The following NPSR1 variants were observed in gnomAD, a reference collection of about 807,000 sequenced individuals.
The protein encoded by NPSR1 is neuropeptide S receptor.
In NPSR1, 48 loss-of-function variants were observed where a neutral mutation model predicts 46.9. That is an observed-to-expected ratio of 1.02 (90% CI 0.81 to 1.30). The LOEUF is 1.30. NPSR1 is among the 50% of genes most tolerant of loss of function. The pLI is 0.00. For synonymous variants in NPSR1, 176 were observed against 168.1 expected, an observed-to-expected ratio of 1.05 and a Z score of -0.36; for missense variants, 450 against 449.5, an observed-to-expected ratio of 1.00 and a Z score of -0.01.
chr7:34,833,071 G>A (rs1438344918), intron 5 of NPSR1, among the ~76,000 whole-genome samples: 1 of 152,174 alleles, frequency 6.6e-6, no homozygotes, highest in African/African-American at 2.4e-5. Context: ...ATGGGAAAAG[G>A]CAGTAAGAAG....
chr7:34,844,858 G>A, intron 6 of NPSR1, 38 bp from the exon 7 acceptor site: 1 of 1,257,382 alleles, frequency 8.0e-7, no homozygotes. Context: ...GTCACATCTT[G>A]AACACTTCAT....
chr7:34,696,701 TAAA>T (rs1344867786), intron 2 of NPSR1, among the ~76,000 whole-genome samples: 1 of 150,978 alleles, frequency 6.6e-6, no homozygotes, highest in Non-Finnish European at 1.5e-5. Flanking sequence ...AAAAAGAAAA[TAAA>T]AAGCATATGG....
At chr7:34,799,069 G>A (rs1040790552) in intron 3 of NPSR1, among the ~76,000 whole-genome samples, 2 of 151,956 alleles carry the variant, frequency 1.3e-5, no homozygotes, top group Admixed American at 6.6e-5. Flanking sequence ...AGAAATGTAG[G>A]CCTAAAGAAA....
intron 6 of NPSR1, among the ~76,000 whole-genome samples, chr7:34,840,183 A>G (rs1039309648): frequency 5.9e-5 from 9 of 152,284 alleles, no homozygotes; most frequent in Admixed American, 2.6e-4. Context: ...GAAGGTTCAG[A>G]GATATGCAGC....
intron 1 of NPSR1, among the ~76,000 whole-genome samples, chr7:34,665,192 C>T (rs771210648): frequency 6.6e-6 from 1 of 152,162 alleles, no homozygotes; most frequent in Non-Finnish European, 1.5e-5. Flanking sequence ...CAGTAAAAAA[C>T]AAACCCTAAA....
At chr7:34,661,228 C>T (rs1791436271) in intron 1 of NPSR1, among the ~76,000 whole-genome samples, 1 of 152,178 alleles carries the variant, frequency 6.6e-6, no homozygotes, top group Admixed American at 6.5e-5. Flanking sequence ...TCTCTATACT[C>T]ACCCAGGTCC....
chr7:34,722,660 G>A (rs547435719), intron 2 of NPSR1, among the ~76,000 whole-genome samples: 1 of 152,266 alleles, frequency 6.6e-6, no homozygotes, highest in South Asian at 2.1e-4. Context: ...AGGTGATGGT[G>A]GTCTAAATCC....
At chr7:34,786,417 G>C (rs1356506006) in intron 3 of NPSR1, among the ~76,000 whole-genome samples, 2 of 152,074 alleles carry the variant, frequency 1.3e-5, no homozygotes, top group African/African-American at 2.4e-5. Context: ...CCTTTCTCCA[G>C]TGAAATCTTG....
intron 4 of NPSR1, among the ~76,000 whole-genome samples, chr7:34,826,210 C>T (rs894231632): frequency 6.6e-6 from 1 of 152,100 alleles, no homozygotes; most frequent in African/African-American, 2.4e-5. Context: ...ATAATTCTAC[C>T]CCAAGACTCC....
At chr7:34,850,531 G>A (rs549376145), downstream of NPSR1, among the ~76,000 whole-genome samples, 15 of 151,802 alleles carry the variant, frequency 9.9e-5, no homozygotes, top group East Asian at 2.9e-3. Context: ...CTCCCGAGTA[G>A]CTGCGACCAC....
chr7:34,672,813 G>A (rs938739627), intron 1 of NPSR1, among the ~76,000 whole-genome samples: 4 of 152,270 alleles, frequency 2.6e-5, no homozygotes, highest in Admixed American at 6.5e-5. Flanking sequence ...GAGGAAGATC[G>A]CAGATGGACA....
chr7:34,745,793 T>G (rs924254761), intron 2 of NPSR1, among the ~76,000 whole-genome samples: 19 of 152,330 alleles, frequency 1.2e-4, no homozygotes, highest in African/African-American at 4.3e-4. Flanking sequence ...GGATTACAGG[T>G]GTGAGCCACC....
chr7:34,853,712 G>A (rs567433964), downstream of NPSR1, among the ~76,000 whole-genome samples: 1 of 152,148 alleles, frequency 6.6e-6, no homozygotes, highest in Non-Finnish European at 1.5e-5. Flanking sequence ...TGTAATCCCA[G>A]CACTTTGGGA....
At chr7:34,701,439 C>T (rs1793825302) in intron 2 of NPSR1, among the ~76,000 whole-genome samples, 1 of 152,174 alleles carries the variant, frequency 6.6e-6, no homozygotes, top group African/African-American at 2.4e-5. Flanking sequence ...ATTTACTCCA[C>T]CCTAAGTGAC....
At chr7:34,790,992 AT>A (rs1447435165) in intron 3 of NPSR1, among the ~76,000 whole-genome samples, 1 of 118,414 alleles carries the variant, frequency 8.4e-6, no homozygotes, top group Non-Finnish European at 1.6e-5. Context: ...TATATTATAT[AT>A]GTTATATGTT....
intron 2 of NPSR1, among the ~76,000 whole-genome samples, chr7:34,688,777 T>C (rs1255706482): frequency 6.6e-6 from 1 of 152,164 alleles, no homozygotes; most frequent in African/African-American, 2.4e-5. Context: ...TAGTGGTCTC[T>C]CTCCACCTTG....
At chr7:34,759,487 G>A (rs1047491604) in intron 2 of NPSR1, among the ~76,000 whole-genome samples, 5 of 152,122 alleles carry the variant, frequency 3.3e-5, no homozygotes, top group Admixed American at 6.6e-5. Context: ...TTTGGTGCGT[G>A]TTTCTGTTGA....
chr7:34,797,872 T>C (rs1788251618), intron 3 of NPSR1, among the ~76,000 whole-genome samples: 1 of 152,134 alleles, frequency 6.6e-6, no homozygotes, highest in Non-Finnish European at 1.5e-5. Flanking sequence ...TATAATAAAA[T>C]ATTTAAAGTG....
At chr7:34,787,471 G>T (rs1787516751) in intron 3 of NPSR1, among the ~76,000 whole-genome samples, 1 of 152,132 alleles carries the variant, frequency 6.6e-6, no homozygotes, top group Non-Finnish European at 1.5e-5. Flanking sequence ...TGTGTTCACT[G>T]AAGTAGTCAT....
Sources: gnomAD v4.1 joint callset for allele counts (sites outside exome capture counted in the v4.1 genomes callset) on GRCh38, gnomAD v4.1.1 for gene constraint, MANE v1.5 for transcripts, NCBI Gene and HGNC (gene_info 2026-07-23, HGNC 2026-07-21) for gene names.